Variants in EFCAB5 observed in about 807,000 individuals in gnomAD.
The protein encoded by EFCAB5 is EF-hand calcium-binding domain-containing protein 5.
EFCAB5 carries 131 observed loss-of-function variants against 167.9 expected under a neutral mutation model. The ratio of observed to expected loss-of-function variants is 0.78; its 90% CI spans 0.68 to 0.90. EFCAB5 has a LOEUF of 0.90. Ranked by LOEUF, EFCAB5 falls within the 40% of genes least tolerant of loss-of-function variation. The pLI is 0.00. For synonymous variants in EFCAB5, 574 were observed against 602.8 expected, an observed-to-expected ratio of 0.95 and a Z score of 0.70; for missense variants, 1,663 against 1,745.2, an observed-to-expected ratio of 0.95 and a Z score of 0.84.
chr17:30,106,452 A>AATT (rs1035550748), intron 22 of EFCAB5, among the ~76,000 whole-genome samples: 2 of 151,574 alleles, frequency 1.3e-5, no homozygotes, highest in African/African-American at 4.8e-5. Flanking sequence ...GAAAGGGGGT[A>AATT]ATTATTATTA....
At chr17:30,081,199 C>G (rs12103671) in intron 17 of EFCAB5, among the ~76,000 whole-genome samples, 5 of 151,962 alleles carry the variant, frequency 3.3e-5, no homozygotes, top group Non-Finnish European at 7.4e-5. Context: ...ATGCCTCAGC[C>G]TCATGTGTCC....
chr17:30,017,692 AC>A (rs2069079225), intron 7 of EFCAB5, among the ~76,000 whole-genome samples: 1 of 152,152 alleles, frequency 6.6e-6, no homozygotes, highest in South Asian at 2.1e-4. Context: ...ATTTTTTAAA[AC>A]TACATATTTT....
In EFCAB5 at chr17:30,073,957, G is replaced by A. The variant is rs142036902; in HGVS notation, c.2738-4258G>A. 778 of 216,166 alleles carry A rather than the reference G, an allele frequency of 3.6e-3. 24 individuals are homozygous for A. The Admixed American group carries it at 0.041, about 11-fold the overall frequency. The allele number at this position is 216,166 out of a possible 1,614,324, so 13.4% of individuals were successfully genotyped here. The stretch of plus-strand genomic sequence containing the variant: ...CCCCACACCTCTTTCCCATTCAGTC[G>A]TCCACCCTCCAATCCCCAAAGCAAC... On this transcript the variant is annotated intron_variant, in intron 14 of 22. Coordinates refer to ENST00000394835, the MANE Select transcript of EFCAB5 (RefSeq NM_198529.4).
At chr17:29,996,125 T>C (rs1031690705) in intron 5 of EFCAB5, among the ~76,000 whole-genome samples, 187 bp from the exon 6 acceptor site, 17 of 152,182 alleles carry the variant, frequency 1.1e-4, no homozygotes, top group African/African-American at 3.9e-4. Flanking sequence ...ACATTTTCCA[T>C]GAACTTTTTG....
chr17:29,991,334 A>T (rs2068413331), intron 4 of EFCAB5, among the ~76,000 whole-genome samples: 1 of 152,174 alleles, frequency 6.6e-6, no homozygotes, highest in African/African-American at 2.4e-5. Context: ...AGAAATATAG[A>T]GTGTGGAGTG....
chr17:30,025,442 A>G lies in EFCAB5; in HGVS notation c.1045-8788A>G, dbSNP rs1452446625. On this transcript the variant is annotated intron_variant, in intron 7 of 22. Transcript: ENST00000394835. ...AATGCTCATCATCACTGGCCATCAG[A>G]GAAATGCAAATCAAAACCACAATGA... 2.6e-5 allele frequency among the ~76,000 whole-genome samples: 4 copies of G among 152,310 alleles called. No homozygotes were observed. The South Asian group carries it at 6.2e-4, about 24-fold the overall frequency.
intron 7 of EFCAB5, among the ~76,000 whole-genome samples, chr17:30,022,122 T>C (rs758459308): frequency 6.6e-5 from 10 of 152,208 alleles, no homozygotes; most frequent in African/African-American, 9.6e-5. Context: ...AATCTGTTTG[T>C]TGACTGTGAC....
intron 5 of EFCAB5, among the ~76,000 whole-genome samples, chr17:29,995,055 T>A (rs1306062446): frequency 1.3e-5 from 2 of 152,152 alleles, no homozygotes; most frequent in Non-Finnish European, 2.9e-5. Flanking sequence ...CTCACAAAAT[T>A]GTTCTTGTTT....
At chr17:30,003,101 G>GT (rs1345392467) in intron 7 of EFCAB5, among the ~76,000 whole-genome samples, 2 of 123,320 alleles carry the variant, frequency 1.6e-5, no homozygotes, top group African/African-American at 3.3e-5. Flanking sequence ...TTTTGTAGCG[G>GT]GGGGGGGGTC....
chr17:30,077,356 AGTGTGTGTGCATATGCGTGTGTGCAT>A (rs1441188393), intron 14 of EFCAB5, among the ~76,000 whole-genome samples: 2 of 152,044 alleles, frequency 1.3e-5, no homozygotes, highest in Non-Finnish European at 2.9e-5. Context: ...GTTGTTTAGA[AGTGTGTGTGCATATGCGTGTGTGCAT>A]GTGTGTGTGT....
chr17:30,102,888 GTGGCACAATCT>G (rs1349218849), intron 22 of EFCAB5, among the ~76,000 whole-genome samples: 11 of 152,002 alleles, frequency 7.2e-5, no homozygotes, highest in African/African-American at 2.7e-4. Flanking sequence ...CCGAAGTACA[GTGGCACAATCT>G]TGGCTTACTG....
At chr17:29,986,082 G>A (rs771879914) in intron 4 of EFCAB5, among the ~76,000 whole-genome samples, 4 of 152,204 alleles carry the variant, frequency 2.6e-5, no homozygotes, top group Non-Finnish European at 2.9e-5. Context: ...GTTAATAGCT[G>A]CTAATCCATC....
At chr17:30,092,216 T>G in intron 21 of EFCAB5, 59 bp downstream of exon 21, 1 of 1,504,180 alleles carries the variant, frequency 6.6e-7, no homozygotes, top group Admixed American at 2.1e-5. Flanking sequence ...CAAATTTAAC[T>G]GTACAAATCA....
chr17:30,076,431 A>G (rs1224070923), intron 14 of EFCAB5, among the ~76,000 whole-genome samples: 3 of 152,254 alleles, frequency 2.0e-5, no homozygotes, highest in African/African-American at 4.8e-5. Flanking sequence ...GTTTCCCCAA[A>G]GCAAAATTAG....
At position 30,059,525 on chromosome 17, in the gene EFCAB5, T is replaced by C. The variant is rs773787783; in HGVS notation, c.2581-20T>C. Reference sequence around the variant, plus strand: ...ATGAACATATATCTTCCGTGCTTTATTATCCTGTTTGTATCCTAGTTTAGC... The same window carrying C: ...ATGAACATATATCTTCCGTGCTTTACTATCCTGTTTGTATCCTAGTTTAGC... On this transcript the variant is annotated intron_variant, in intron 13 of 22. Transcript: ENST00000394835. 1.3e-6 allele frequency: 2 copies of C among 1,586,262 alleles called. No individual in the cohort carries two copies. The highest frequency in any genetic ancestry group is 1.4e-5 in the African/African-American group (1 of 73,536).
chr17:30,107,669 C>T (rs1597584162), intron 22 of EFCAB5, among the ~76,000 whole-genome samples, 165 bp from the exon 23 acceptor site: 1 of 152,026 alleles, frequency 6.6e-6, no homozygotes, highest in South Asian at 2.1e-4. Flanking sequence ...TATGACTATA[C>T]CAAAATTTAT....
At chr17:30,009,281 T>C (rs56134689) in intron 7 of EFCAB5, among the ~76,000 whole-genome samples, 4,054 of 152,222 alleles carry the variant, frequency 0.027, 162 homozygotes, top group African/African-American at 0.092. Context: ...AAGTGTACAA[T>C]TGAATGGGCT....
At chr17:29,935,157 T>C (rs1310633446) in intron 1 of EFCAB5, among the ~76,000 whole-genome samples, 4 of 152,216 alleles carry the variant, frequency 2.6e-5, no homozygotes, top group African/African-American at 4.8e-5. Flanking sequence ...AACTGCAGTA[T>C]TATTGAGTCA....
intron 14 of EFCAB5, chr17:30,073,141 C>T (rs1200062696): frequency 1.4e-6 from 1 of 699,286 alleles, no homozygotes; most frequent in South Asian, 1.5e-5. Context: ...CTGCAGCCTC[C>T]AACTCCCGGA....
Sources: gnomAD v4.1 joint callset for allele counts (sites outside exome capture counted in the v4.1 genomes callset) on GRCh38, gnomAD v4.1.1 for gene constraint, MANE v1.5 for transcripts, NCBI Gene and HGNC (gene_info 2026-07-23, HGNC 2026-07-21) for gene names.